The following COL6A6 variants were observed in gnomAD, a reference collection of about 807,000 sequenced individuals.
COL6A6 encodes collagen alpha-6(VI) chain.
COL6A6 carries 183 observed loss-of-function variants against 208.6 expected under a neutral mutation model. That is an observed-to-expected ratio of 0.88 (90% confidence interval 0.78 to 0.99). The LOEUF (loss-of-function observed/expected upper bound fraction) is 0.99. Among genes scored for constraint, COL6A6 ranks in the 50% least tolerant of loss-of-function variants. The pLI is 0.00. For synonymous variants in COL6A6, 973 were observed against 1,011.8 expected (o/e 0.96, Z 0.73); for missense variants, 2,816 against 2,815.2 (o/e 1.00, Z -0.01).
intron 23 of COL6A6, among the ~76,000 whole-genome samples, chr3:130,615,060 T>G (rs2064476786): frequency 6.6e-6 from 1 of 151,950 alleles, no homozygotes; most frequent in Admixed American, 6.6e-5. Context: ...GGGGTTGGTT[T>G]TCTCTTGCAT....
intron 20 of COL6A6, among the ~76,000 whole-genome samples, chr3:130,600,518 T>C (rs1217738190): frequency 6.6e-6 from 1 of 152,120 alleles, no homozygotes; most frequent in East Asian, 1.9e-4. Flanking sequence ...ATATACACCA[T>C]GGAATACTAT....
rs77488100 is a variant in COL6A6, at chr3:130,532,849, C to A, written c.-32+15452C>A. ...TTCAGTCACATGTCTGGCACCTGGG[C>A]TGGGAGGGCTGGATCATCTGGGAGC... is the stretch of plus-strand genomic sequence containing the variant. On this transcript the variant is annotated intron_variant, in intron 1 of 36. Coordinates refer to ENST00000358511, the MANE Select transcript of COL6A6 (RefSeq NM_001102608.3). Among the ~76,000 whole-genome samples the A allele has an allele frequency of 9.2e-3, 1,407 of 152,236 alleles. 25 individuals carry two copies. Among genetic ancestry groups the A allele is most frequent in the African/African-American group, 0.031 (1,279 of 41,530 alleles).
At chr3:130,542,421 GA>G (rs2062390671) in intron 1 of COL6A6, among the ~76,000 whole-genome samples, 1 of 151,982 alleles carries the variant, frequency 6.6e-6, no homozygotes, top group Non-Finnish European at 1.5e-5. Flanking sequence ...TTAAATTTGT[GA>G]ACGTGTTTTG....
At chr3:130,637,581 C>T (rs1043477104) in intron 28 of COL6A6, among the ~76,000 whole-genome samples, 2 of 152,118 alleles carry the variant, frequency 1.3e-5, no homozygotes, top group African/African-American at 2.4e-5. Flanking sequence ...GAAGTTTAGA[C>T]ATTGAAAATA....
At chr3:130,650,866 C>T (rs1242382666) in intron 33 of COL6A6, among the ~76,000 whole-genome samples, 1 of 152,096 alleles carries the variant, frequency 6.6e-6, no homozygotes, top group Non-Finnish European at 1.5e-5. Context: ...AAGATGTTAC[C>T]TTTATCTGCA....
At chr3:130,649,665 A>G in intron 33 of COL6A6, 103 bp downstream of exon 33, 1 of 1,284,542 alleles carries the variant, frequency 7.8e-7, no homozygotes, top group Non-Finnish European at 1.0e-6. Context: ...TTTGTTAGGA[A>G]GTTTAAAAAA....
intron 1 of COL6A6, among the ~76,000 whole-genome samples, chr3:130,534,647 A>G (rs1169207031): frequency 6.6e-6 from 1 of 152,148 alleles, no homozygotes; most frequent in Non-Finnish European, 1.5e-5. Flanking sequence ...ACTCAGGCGT[A>G]TGTTTTCCTT....
chr3:130,536,320 A>G (rs1032843994), intron 1 of COL6A6, among the ~76,000 whole-genome samples: 6 of 152,166 alleles, frequency 3.9e-5, no homozygotes, highest in African/African-American at 7.2e-5. Flanking sequence ...TCATCCCTAT[A>G]CATCCATTCA....
At chr3:130,536,326 A>C (rs2062224208) in intron 1 of COL6A6, among the ~76,000 whole-genome samples, 1 of 152,172 alleles carries the variant, frequency 6.6e-6, no homozygotes, top group Non-Finnish European at 1.5e-5. Context: ...CTATACATCC[A>C]TTCATTTACT....
chr3:130,612,961 A>T (rs1184777448), intron 23 of COL6A6, among the ~76,000 whole-genome samples: 1 of 152,114 alleles, frequency 6.6e-6, no homozygotes, highest in Non-Finnish European at 1.5e-5. Flanking sequence ...ATTTTCTCCC[A>T]TTCTGTATGT....
intron 20 of COL6A6, among the ~76,000 whole-genome samples, chr3:130,604,473 C>T (rs1170241798): frequency 7.6e-5 from 11 of 144,928 alleles, no homozygotes; most frequent in South Asian, 2.2e-4. Flanking sequence ...CCAGTCTGGG[C>T]GACAGAGCGA....
chr3:130,648,243 T>C (rs1366427716), intron 32 of COL6A6, among the ~76,000 whole-genome samples: 1 of 152,268 alleles, frequency 6.6e-6, no homozygotes, highest in Non-Finnish European at 1.5e-5. Flanking sequence ...CATTTGTAAC[T>C]GTTAAACAAA....
In COL6A6 at chr3:130,649,420, G is replaced by GA. The variant is rs1559787357; in HGVS notation, c.5596dup (p.Ile1866AsnfsTer27). 1.9e-6 allele frequency: 3 copies of GA among 1,613,186 alleles called. No homozygotes were observed. Among genetic ancestry groups the GA allele is most frequent in the East Asian group, 2.2e-5 (1 of 44,850 alleles). ...CGGACGCTTCCGGGGGCACACACGA[G>GA]AAAAATCGCCACATTTTTCAGCAGC... is the stretch of plus-strand genomic sequence containing the variant. On this transcript the variant is annotated frameshift_variant, in exon 33 of 37. Transcript: ENST00000358511. LOFTEE classifies it high-confidence loss of function.
chr3:130,567,929 T>A (rs915069738), intron 5 of COL6A6, 118 bp from the exon 6 acceptor site: 2 of 692,016 alleles, frequency 2.9e-6, no homozygotes, highest in Middle Eastern at 3.7e-4. Flanking sequence ...TATTTACTAC[T>A]AATTATTACT....
In COL6A6 at chr3:130,658,724, G is replaced by A. The variant is rs765862704; in HGVS notation, c.5782G>A (p.Asp1928Asn). The change falls in exon 34 of 37, where the codon GAC becomes AAC. Residue 1928 changes from aspartate to asparagine, a missense_variant. Physicochemically the swap from Asp to Asn is conservative, Grantham distance 23. Transcript: ENST00000358511. ...FQVIVVPSGA[D>N]YIPALERLQR... Reference sequence around the variant, plus strand: ...AGTAATAGTGGTTCCCTCCGGGGCCGACTACATACCAGCATTAGAGAGACT... The same window carrying A: ...AGTAATAGTGGTTCCCTCCGGGGCCAACTACATACCAGCATTAGAGAGACT... 3.5e-5 allele frequency: 57 copies of A among 1,613,150 alleles called. No individual in the cohort carries two copies. The East Asian group carries it at 1.0e-3, about 30-fold the overall frequency.
At chr3:130,594,234 A>G (rs1383004025) in intron 17 of COL6A6, 47 bp from the exon 18 acceptor site, 8 of 1,382,076 alleles carry the variant, frequency 5.8e-6, no homozygotes, top group Middle Eastern at 4.1e-4. Context: ...TATTAATTTT[A>G]TTAAAACTTC....
intron 5 of COL6A6, 98 bp downstream of exon 5, chr3:130,567,360 T>A: frequency 1.1e-6 from 1 of 929,494 alleles, no homozygotes; most frequent in Non-Finnish European, 1.6e-6. Flanking sequence ...CATAAATTAC[T>A]AAGTTGAGAT....
chr3:130,568,482 C>T lies in COL6A6; in HGVS notation c.2279C>T (p.Ser760Phe). Residue 760 changes from serine (S) to phenylalanine (F), a missense_variant, in exon 6 of 37, where the codon TCC (serine) becomes TTC (phenylalanine). Coordinates refer to ENST00000358511, the MANE Select transcript of COL6A6 (RefSeq NM_001102608.3). Reference protein sequence around the residue: ...VIIYSVGVFGSNVTQLEEISG... With the variant: ...VIIYSVGVFGFNVTQLEEISG... ...ATCTATTCTGTGGGAGTGTTTGGCT[C>T]CAATGTCACCCAGCTTGAGGAGATC... is the stretch of plus-strand genomic sequence containing the variant. The T allele has an allele frequency of 6.2e-7, 1 of 1,613,760 alleles. No individual in the cohort carries two copies. Among genetic ancestry groups the T allele is most frequent in the Non-Finnish European group, 8.5e-7 (1 of 1,179,862 alleles).
intron 16 of COL6A6, 32 bp downstream of exon 16, chr3:130,593,137 T>C: frequency 6.2e-7 from 1 of 1,612,426 alleles, no homozygotes; most frequent in Non-Finnish European, 8.5e-7. Context: ...GAGACCCTTC[T>C]GAGCTATTTA....
Sources: allele counts gnomAD v4.1 joint callset (sites outside exome capture counted in the v4.1 genomes callset), GRCh38; gene constraint gnomAD v4.1.1; transcripts MANE v1.5; gene names NCBI Gene and HGNC (gene_info 2026-07-23, HGNC 2026-07-21).